The following EFCAB8 variants were observed in gnomAD, a reference collection of about 807,000 sequenced individuals.
The protein encoded by EFCAB8 is EF-hand calcium-binding domain-containing protein 8.
EFCAB8 carries 100 observed loss-of-function variants against 116.3 expected under a neutral mutation model. The ratio of observed to expected loss-of-function variants is 0.86; its 90% CI spans 0.73 to 1.02. The LOEUF (loss-of-function observed/expected upper bound fraction) is 1.02, where lower values mean the gene tolerates loss of function less well. Among genes scored for constraint, EFCAB8 ranks in the 50% least tolerant of loss-of-function variants. EFCAB8 has a pLI of 0.00. For missense variants in EFCAB8, 1,320 were observed against 1,416.9 expected (o/e 0.93, Z 1.10); for synonymous variants, 558 against 567.9 (o/e 0.98, Z 0.25).
At chr20:32,871,264 TAA>T in intron 3 of EFCAB8, among the ~76,000 whole-genome samples, 1 of 152,168 alleles carries the variant, frequency 6.6e-6, no homozygotes, top group Non-Finnish European at 1.5e-5. Context: ...TTATTTTTTT[TAA>T]TTTTTATTCT....
intron 22 of EFCAB8, among the ~76,000 whole-genome samples, chr20:32,933,390 G>A (rs771594640): frequency 2.0e-5 from 3 of 152,114 alleles, no homozygotes; most frequent in African/African-American, 4.8e-5. Context: ...ACAGTGTGCT[G>A]TTTTGATCTA....
chr20:32,960,874 G>A (rs1008112843), intron 26 of EFCAB8, among the ~76,000 whole-genome samples: 1 of 152,198 alleles, frequency 6.6e-6, no homozygotes, highest in Non-Finnish European at 1.5e-5. Context: ...TCTCAGAAGC[G>A]GGCAGTCTGC....
intron 23 of EFCAB8, among the ~76,000 whole-genome samples, chr20:32,954,630 T>C (rs547580847): frequency 2.1e-3 from 325 of 152,354 alleles, no homozygotes; most frequent in Non-Finnish European, 3.8e-3. Flanking sequence ...GATTTCCCTC[T>C]AGAAACTAGA....
At chr20:32,910,482 C>T (rs935890198) in intron 15 of EFCAB8, among the ~76,000 whole-genome samples, 7 of 152,176 alleles carry the variant, frequency 4.6e-5, no homozygotes, top group South Asian at 4.1e-4. Context: ...TGCTCACTCC[C>T]ACCCACTGGG....
In EFCAB8 at chr20:32,939,300, T is replaced by C. The variant is rs551588819; in HGVS notation, c.2791-4336T>C. Among the ~76,000 whole-genome samples the C allele has an allele frequency of 1.3e-4, 19 of 142,330 alleles. 1 individual carries two copies. The highest frequency in any genetic ancestry group is 2.8e-4 in the Non-Finnish European group (18 of 64,998). 93.4% of individuals were successfully genotyped at this position (142,330 alleles called of 152,430 possible). The stretch of plus-strand genomic sequence containing the variant: ...TCCTTTTTTTTTTTGTTTTTTGTTT[T>C]TTGACAGAGTCTTGCTCTGTCGCCC... On this transcript the variant is annotated intron_variant, in intron 22 of 26. Coordinates refer to ENST00000400522, the MANE Select transcript of EFCAB8 (RefSeq NM_001143967.2).
intron 11 of EFCAB8, among the ~76,000 whole-genome samples, chr20:32,900,526 A>G (rs578229790): frequency 1.3e-5 from 2 of 151,342 alleles, no homozygotes; most frequent in East Asian, 1.9e-4. Context: ...GTGCTCAGCT[A>G]ATTTTTGTAT....
At chr20:32,884,102 A>G (rs1264766035) in intron 5 of EFCAB8, among the ~76,000 whole-genome samples, 1 of 152,196 alleles carries the variant, frequency 6.6e-6, no homozygotes, top group East Asian at 1.9e-4. Flanking sequence ...ACAGAATGTC[A>G]AGAGGCTTGT....
At chr20:32,890,170 C>G (rs1198772924) in intron 7 of EFCAB8, among the ~76,000 whole-genome samples, 3 of 152,110 alleles carry the variant, frequency 2.0e-5, no homozygotes, top group Admixed American at 6.6e-5. Flanking sequence ...AGGTCTGAGC[C>G]CTGCCGCCTC....
chr20:32,921,971 A>G (rs1035788724), intron 20 of EFCAB8, among the ~76,000 whole-genome samples: 1 of 151,738 alleles, frequency 6.6e-6, no homozygotes, highest in Admixed American at 6.6e-5. Flanking sequence ...CTGGGACCAT[A>G]AGCATGTGCC....
chr20:32,914,828 A>G (rs1405507477), intron 17 of EFCAB8, among the ~76,000 whole-genome samples: 1 of 152,220 alleles, frequency 6.6e-6, no homozygotes, highest in African/African-American at 2.4e-5. Context: ...AAACCATATC[A>G]ATGTTCTTTC....
At chr20:32,915,860 A>G (rs1987163250) in intron 17 of EFCAB8, among the ~76,000 whole-genome samples, 1 of 152,002 alleles carries the variant, frequency 6.6e-6, no homozygotes, top group Non-Finnish European at 1.5e-5. Flanking sequence ...TTTAGTAGAG[A>G]CAGGGTTTCA....
Position 32,906,862 on chromosome 20 carries a change from C to G in EFCAB8, c.1176C>G (p.Ala392=). ...CCACAGTGACTGGTGGCTACGATGC[C>G]TTCATCCGCCTGTGGAACCCCTTTG... is the stretch of plus-strand genomic sequence containing the variant. The part of the protein sequence containing the change: ...RNFLVTGGYD[A]FIRLWNPFVS... Residue 392 remains alanine (A), a synonymous_variant, in exon 13 of 27, where the codon GCC becomes GCG. Transcript: ENST00000400522. The G allele has an allele frequency of 6.5e-7, 1 of 1,529,354 alleles. No homozygotes were observed. Among genetic ancestry groups the G allele is most frequent in the Non-Finnish European group, 8.9e-7 (1 of 1,126,810 alleles). The allele number at this position is 1,529,354 out of a possible 1,614,324, so 94.7% of individuals were successfully genotyped here.
At chr20:32,860,493 CTTTTTTTTTTTTT>C (rs71190881) in intron 1 of EFCAB8, among the ~76,000 whole-genome samples, 242 of 83,978 alleles carry the variant, frequency 2.9e-3, no homozygotes, top group Middle Eastern at 0.013. Context: ...ATGGTGGTAA[CTTTTTTTTTTTTT>C]TTTTTTTTTT....
At chr20:32,885,999 C>T (rs1985607044) in intron 6 of EFCAB8, among the ~76,000 whole-genome samples, 1 of 152,242 alleles carries the variant, frequency 6.6e-6, no homozygotes, top group African/African-American at 2.4e-5. Context: ...GGGTCAGCCA[C>T]TCCCACGCTG....
At position 32,930,422 on chromosome 20, in the gene EFCAB8, C is replaced by T. The variant is rs1439173333; in HGVS notation, c.2437C>T (p.Arg813Cys). The change falls in exon 21 of 27, where the codon CGC (arginine) becomes TGC (cysteine). Residue 813 changes from arginine (R) to cysteine (C), a missense_variant. Physicochemically the swap from Arg to Cys is radical, Grantham distance 180. Transcript: ENST00000400522. ...EKIIFLQTRP[R>C]LPHTAALLSS... ...GATAATCTTCCTGCAGACCAGGCCT[C>T]GCCTGCCGCACACGGCTGCCCTGCT... The T allele has an allele frequency of 1.8e-5, 28 of 1,551,232 alleles. No individual in the cohort carries two copies. Among genetic ancestry groups the T allele is most frequent in the Admixed American group, 2.0e-5 (1 of 50,986 alleles).
At chr20:32,950,044 G>A (rs1988754057) in intron 23 of EFCAB8, among the ~76,000 whole-genome samples, 1 of 151,818 alleles carries the variant, frequency 6.6e-6, no homozygotes, top group African/African-American at 2.4e-5. Context: ...CAACAAAAAT[G>A]GAACATAGAA....
At chr20:32,876,746 C>T (rs1393362543) in intron 4 of EFCAB8, among the ~76,000 whole-genome samples, 1 of 152,076 alleles carries the variant, frequency 6.6e-6, no homozygotes, top group Non-Finnish European at 1.5e-5. Flanking sequence ...GGGGGTGGAT[C>T]GCTTGAGCTC....
intron 17 of EFCAB8, chr20:32,917,003 A>G (rs1211188731): frequency 6.0e-6 from 2 of 335,050 alleles, no homozygotes; most frequent in Non-Finnish European, 1.1e-5. Context: ...TAAGGCCACA[A>G]TGTCCCCCCC....
intron 2 of EFCAB8, 22 bp from the exon 3 acceptor site, chr20:32,867,560 G>C: frequency 6.5e-7 from 1 of 1,549,830 alleles, no homozygotes; most frequent in African/African-American, 1.4e-5. Flanking sequence ...TCAGTCCCTG[G>C]TTCTTGTTAT....
Sources: allele counts gnomAD v4.1 joint callset (sites outside exome capture counted in the v4.1 genomes callset), GRCh38; gene constraint gnomAD v4.1.1; transcripts MANE v1.5; gene names NCBI Gene and HGNC (gene_info 2026-07-23, HGNC 2026-07-21).